SMAD2: variants seen among roughly 807,000 people sequenced by gnomAD.
The protein encoded by SMAD2 is SMAD family member 2, also known as MAD homolog 2.
In SMAD2, 8 loss-of-function variants were observed where a neutral mutation model predicts 64.4. The observed-to-expected ratio is 0.12, with a 90% confidence interval of 0.07 to 0.22. The LOEUF (loss-of-function observed/expected upper bound fraction) is 0.22, where lower values mean the gene tolerates loss of function less well. SMAD2 is among the 10% of genes least tolerant of loss of function. SMAD2 has a pLI of 1.00. For missense variants in SMAD2, 289 were observed against 561.2 expected, an observed-to-expected ratio of 0.51 and a Z score of 4.90; for synonymous variants, 203 against 195.8, an observed-to-expected ratio of 1.04 and a Z score of -0.31.
intron 2 of SMAD2, among the ~76,000 whole-genome samples, chr18:47,888,355 G>A (rs534633035): frequency 4.6e-4 from 67 of 145,240 alleles, no homozygotes; most frequent in Non-Finnish European, 7.5e-4. Flanking sequence ...GCAGGCTAAA[G>A]GCTTGGTCTG....
chr18:47,894,905 AG>A (rs1189162190), intron 2 of SMAD2, among the ~76,000 whole-genome samples: 4 of 152,170 alleles, frequency 2.6e-5, no homozygotes, highest in African/African-American at 2.4e-5. Context: ...CCCATTCACC[AG>A]GAAGTCCTCA....
intron 7 of SMAD2, among the ~76,000 whole-genome samples, chr18:47,850,460 A>ATG (rs1915214026): frequency 4.5e-5 from 1 of 22,438 alleles, no homozygotes; most frequent in African/African-American, 1.9e-4. Context: ...ATTATATATT[A>ATG]TACATAATAT....
intron 1 of SMAD2, 72 bp downstream of exon 1, chr18:47,930,289 G>T (rs1396130445): frequency 6.6e-6 from 1 of 152,224 alleles, no homozygotes; most frequent in Non-Finnish European, 1.5e-5. Flanking sequence ...CATGTGACAC[G>T]GCCCATCGCC....
intron 2 of SMAD2, among the ~76,000 whole-genome samples, chr18:47,878,736 A>G (rs1326327279): frequency 6.6e-6 from 1 of 152,234 alleles, no homozygotes; most frequent in Non-Finnish European, 1.5e-5. Context: ...AGATACTTCC[A>G]TGAACAAGCT....
At chr18:47,899,913 A>G (rs1405967864) in intron 1 of SMAD2, among the ~76,000 whole-genome samples, 2 of 152,166 alleles carry the variant, frequency 1.3e-5, no homozygotes, top group African/African-American at 2.4e-5. Flanking sequence ...AAGAACCCAT[A>G]AACAGTGTAA....
intron 8 of SMAD2, among the ~76,000 whole-genome samples, chr18:47,846,687 C>A (rs961425762): frequency 6.6e-6 from 1 of 152,124 alleles, no homozygotes; most frequent in East Asian, 1.9e-4. Context: ...AATTCTGCCA[C>A]AACCATGTGG....
At chr18:47,926,379 C>T (rs759845672) in intron 1 of SMAD2, among the ~76,000 whole-genome samples, 1 of 152,196 alleles carries the variant, frequency 6.6e-6, no homozygotes, top group Non-Finnish European at 1.5e-5. Context: ...TCTGGTCCTG[C>T]ACTCAATGGC....
intron 1 of SMAD2, among the ~76,000 whole-genome samples, chr18:47,912,901 G>A (rs1327673980): frequency 6.8e-6 from 1 of 147,986 alleles, no homozygotes; most frequent in Non-Finnish European, 1.5e-5. Flanking sequence ...GCATTAGGAG[G>A]AATGAGAGTA....
Position 47,834,987 on chromosome 18 carries a change from A to G in SMAD2, c.*6840T>C, listed in dbSNP as rs1027471957. Reference sequence around the variant, plus strand: ...CCACCAGGAGGTCTGGCCTTGGGAAAAGATGGCGAAAGGAATATTCTCAGA... The same window carrying G: ...CCACCAGGAGGTCTGGCCTTGGGAAGAGATGGCGAAAGGAATATTCTCAGA... On this transcript the variant is annotated 3_prime_UTR_variant, in exon 11 of 11. Transcript: ENST00000262160. 1 of 222,140 alleles carries G rather than the reference A, an allele frequency of 4.5e-6. No homozygotes were observed. The highest frequency in any genetic ancestry group is 2.2e-5 in the African/African-American group (1 of 44,768). The allele number at this position is 222,140 out of a possible 1,614,324, so 13.8% of individuals were successfully genotyped here.
Position 47,850,278 on chromosome 18 carries a change from TTA to T in SMAD2, c.784+994_784+995del, listed in dbSNP as rs1406351689. Among the ~76,000 whole-genome samples, 15 of 66,686 alleles carry T rather than the reference TTA, an allele frequency of 2.2e-4. 1 individual carries two copies. Among genetic ancestry groups the T allele is most frequent in the Admixed American group, 3.2e-4 (1 of 3,154 alleles). The allele number at this position is 66,686 out of a possible 152,430, so 43.7% of individuals were successfully genotyped here. On this transcript the variant is annotated intron_variant, in intron 7 of 10. Transcript: ENST00000262160. Reference sequence around the variant, plus strand: ...TATTATGTATAATATATATTATATATTATATATATTATGTATAATATATATTA... The same window carrying T: ...TATTATGTATAATATATATTATATATTATATATTATGTATAATATATATTA...
intron 8 of SMAD2, among the ~76,000 whole-genome samples, chr18:47,846,973 C>G (rs1489645572): frequency 2.0e-5 from 3 of 152,092 alleles, no homozygotes; most frequent in Admixed American, 2.0e-4. Flanking sequence ...AACAGTCATG[C>G]ACGTGGTCAT....
chr18:47,851,044 A>G (rs1231846481), intron 7 of SMAD2, among the ~76,000 whole-genome samples: 1 of 150,004 alleles, frequency 6.7e-6, no homozygotes, highest in African/African-American at 2.5e-5. Context: ...TTCAATAATA[A>G]ATAGATTATA....
In SMAD2 at chr18:47,906,721, T is replaced by C. The variant is rs1270702251; in HGVS notation, c.-53-9912A>G. On this transcript the variant is annotated intron_variant, in intron 1 of 10. Coordinates refer to ENST00000262160, the MANE Select transcript of SMAD2 (RefSeq NM_005901.6). ...CCTGGAGTGTCTGAGGGGAAGTTCG[T>C]CCTTGCCTTTTTCAGCTTCTAGTGG... Among the ~76,000 whole-genome samples the C allele has an allele frequency of 3.3e-5, 5 of 152,158 alleles. No individual in the cohort carries two copies. In the South Asian group the frequency reaches 8.3e-4, roughly 25 times the overall value.
chr18:47,912,023 C>T (rs1300251432), intron 1 of SMAD2, among the ~76,000 whole-genome samples: 2 of 152,140 alleles, frequency 1.3e-5, no homozygotes, highest in African/African-American at 4.8e-5. Flanking sequence ...GCACAGAGAA[C>T]AGGATTCAAC....
chr18:47,856,063 A>G (rs570874943), intron 6 of SMAD2, among the ~76,000 whole-genome samples: 3 of 152,298 alleles, frequency 2.0e-5, no homozygotes, highest in African/African-American at 7.2e-5. Flanking sequence ...CACTTTTGGC[A>G]TGGATGAATC....
chr18:47,859,282 G>T (rs1394955575), intron 6 of SMAD2, among the ~76,000 whole-genome samples: 1 of 151,924 alleles, frequency 6.6e-6, no homozygotes, highest in Non-Finnish European at 1.5e-5. Context: ...ACAAAATAAG[G>T]AGATTTTAAA....
In SMAD2 at chr18:47,888,433, C is replaced by A. The variant is rs188314418; in HGVS notation, c.236+8088G>T. On this transcript the variant is annotated intron_variant, in intron 2 of 10. Coordinates refer to ENST00000262160, the MANE Select transcript of SMAD2 (RefSeq NM_005901.6). ...GTCACATGAGTATTCCCCCTCAAGA[C>A]GCTTATCAGATCTTAAAGCTGAGGC... Among the ~76,000 whole-genome samples the A allele has an allele frequency of 1.6e-3, 238 of 152,270 alleles. 1 individual carries two copies. The highest frequency in any genetic ancestry group is 5.6e-3 in the African/African-American group (231 of 41,534).
chr18:47,866,486 A>G (rs963380376), intron 5 of SMAD2, among the ~76,000 whole-genome samples: 4 of 152,042 alleles, frequency 2.6e-5, no homozygotes, highest in Non-Finnish European at 5.9e-5. Context: ...TCTAAGAATA[A>G]ATTATCTTCA....
At chr18:47,916,491 A>C (rs1039564668) in intron 1 of SMAD2, among the ~76,000 whole-genome samples, 1 of 152,058 alleles carries the variant, frequency 6.6e-6, no homozygotes, top group African/African-American at 2.4e-5. Flanking sequence ...ATCTTGTCTC[A>C]CTGCAACCTC....
Sources: allele counts gnomAD v4.1 joint callset (sites outside exome capture counted in the v4.1 genomes callset), GRCh38; gene constraint gnomAD v4.1.1; transcripts MANE v1.5; gene names NCBI Gene and HGNC (gene_info 2026-07-23, HGNC 2026-07-21).